TRIO: variants seen among roughly 807,000 people sequenced by gnomAD.
TRIO encodes the protein triple functional domain protein.
In TRIO, 58 loss-of-function variants were observed where a neutral mutation model predicts 351.9. That is an observed-to-expected ratio of 0.16 (90% CI 0.13 to 0.21). The LOEUF is 0.21. Among genes scored for constraint, TRIO ranks in the 10% least tolerant of loss-of-function variants. The pLI is 1.00. For synonymous variants in TRIO, 1,758 were observed against 1,595.7 expected, an observed-to-expected ratio of 1.10 and a Z score of -2.42; for missense variants, 3,201 against 4,027.8, an observed-to-expected ratio of 0.79 and a Z score of 5.56.
chr5:14,206,619 C>T (rs1475307708), intron 1 of TRIO, among the ~76,000 whole-genome samples: 1 of 152,202 alleles, frequency 6.6e-6, no homozygotes, highest in Non-Finnish European at 1.5e-5. Context: ...CAGTTGCTGC[C>T]TTGCTCCTGA....
At chr5:14,330,972 AC>A (rs1740855010) in intron 10 of TRIO, 72 bp downstream of exon 10, 1 of 1,592,646 alleles carries the variant, frequency 6.3e-7, no homozygotes, top group Admixed American at 1.7e-5. Flanking sequence ...AGTTTTAACC[AC>A]ATTTGAGATA....
At chr5:14,207,666 C>T (rs1167312971) in intron 1 of TRIO, among the ~76,000 whole-genome samples, 1 of 152,032 alleles carries the variant, frequency 6.6e-6, no homozygotes, top group Admixed American at 6.6e-5. Context: ...GTGATCGTGC[C>T]ACTGTACTCA....
At chr5:14,372,727 T>C (rs1745229320) in intron 18 of TRIO, among the ~76,000 whole-genome samples, 1 of 152,194 alleles carries the variant, frequency 6.6e-6, no homozygotes, top group Non-Finnish European at 1.5e-5. Flanking sequence ...TTGGTGTGTT[T>C]CAAAGCAGTC....
Position 14,405,992 on chromosome 5 carries a change from T to C in TRIO, c.4859+2T>C. On this transcript the variant is annotated splice_donor_variant, in intron 32 of 56. Transcript: ENST00000344204. LOFTEE classifies it high-confidence loss of function. ...CGCCACAAGACAGAAGGGAAGGAGG[T>C]GCGTGTCTGGGCGCCACTGGAGGTT... 6.2e-7 allele frequency: 1 copy of C among 1,612,218 alleles called. No homozygotes were observed. The highest frequency in any genetic ancestry group is 8.5e-7 in the Non-Finnish European group (1 of 1,179,230).
rs952747471 is a variant in TRIO, at chr5:14,509,604, T to C, written c.*1182T>C. 3.1e-6 allele frequency: 1 copy of C among 327,164 alleles called. No individual in the cohort carries two copies. Among genetic ancestry groups the C allele is most frequent in the Non-Finnish European group, 5.9e-6 (1 of 168,112 alleles). The allele number at this position is 327,164 out of a possible 1,614,324, so 20.3% of individuals were successfully genotyped here. A position where few individuals can be genotyped will look rare whatever the true frequency, so the allele number is the denominator to read the frequency against. On this transcript the variant is annotated 3_prime_UTR_variant, in exon 57 of 57. Transcript: ENST00000344204. ...CAAAATCAGTCTGGACATTTACTAC[T>C]TTTTAGACTTTTTGACGTTGAACTT...
Position 14,507,765 on chromosome 5 carries a change from C to T in TRIO, c.8752-115C>T, listed in dbSNP as rs568105784. On this transcript the variant is annotated intron_variant, in intron 56 of 56. Transcript: ENST00000344204. ...TCCGGCCTGCTTTGCACATGCATGG[C>T]TTGTCCTAGTTGACATCCTAGATTC... 3.1e-4 allele frequency: 408 copies of T among 1,330,784 alleles called. 1 individual carries two copies. Among genetic ancestry groups the T allele is most frequent in the Middle Eastern group, 2.2e-3 (8 of 3,684 alleles). 82.4% of individuals were successfully genotyped at this position (1,330,784 alleles called of 1,614,324 possible). A position where few individuals can be genotyped will look rare whatever the true frequency, so the allele number is the denominator to read the frequency against.
chr5:14,366,354 C>T (rs762249559), intron 15 of TRIO, among the ~76,000 whole-genome samples: 3 of 152,096 alleles, frequency 2.0e-5, no homozygotes, highest in East Asian at 3.9e-4. Context: ...TGGTTTGAAC[C>T]TGATCATTGT....
chr5:14,337,159 C>T (rs963778114), intron 11 of TRIO, among the ~76,000 whole-genome samples: 23 of 152,138 alleles, frequency 1.5e-4, no homozygotes, highest in Non-Finnish European at 2.5e-4. Context: ...TTTAAATGTG[C>T]CAGAGCCAAC....
intron 2 of TRIO, among the ~76,000 whole-genome samples, chr5:14,274,019 T>G (rs545183591): frequency 7.6e-4 from 116 of 152,322 alleles, no homozygotes; most frequent in African/African-American, 2.7e-3. Flanking sequence ...ATTATTTTAT[T>G]TATAAATATT....
chr5:14,370,778 C>T (rs1745039079), intron 18 of TRIO, among the ~76,000 whole-genome samples: 2 of 152,194 alleles, frequency 1.3e-5, no homozygotes, highest in East Asian at 1.9e-4. Context: ...GTCCCTACTG[C>T]TTAAGTTTAC....
intron 8 of TRIO, among the ~76,000 whole-genome samples, chr5:14,315,833 C>T (rs575679701): frequency 1.3e-5 from 2 of 152,206 alleles, no homozygotes; most frequent in South Asian, 4.2e-4. Flanking sequence ...TTGATTAACC[C>T]GAATACTTTC....
rs1402368401 is a variant in TRIO at position 14,363,023 on chromosome 5, CAG to C, written c.2392-708_2392-707del. ...CTACTTTTTTTTTTTTTTTTTGAGA[CAG>C]GGTCTCACTCTTGCCCATGCTGGAG... is the stretch of plus-strand genomic sequence containing the variant. On this transcript the variant is annotated intron_variant, in intron 13 of 56. Transcript: ENST00000344204. 5.6e-5 allele frequency among the ~76,000 whole-genome samples: 7 copies of C among 124,748 alleles called. No homozygotes were observed. The East Asian group carries it at 1.7e-3, about 30-fold the overall frequency. 81.8% of individuals were successfully genotyped at this position (124,748 alleles called of 152,430 possible).
In TRIO at chr5:14,401,068, C is replaced by T. The variant is rs2152375524; in HGVS notation, c.4716+4C>T. On this transcript the variant is annotated splice_donor_region_variant and intron_variant, in intron 31 of 56. Transcript: ENST00000344204. ...AGATAATAAAATTGTCCTTAAGGTACGTTCATTTGAAGCTGGGAATGTGCT... is the reference window on the plus strand; with the variant it reads ...AGATAATAAAATTGTCCTTAAGGTATGTTCATTTGAAGCTGGGAATGTGCT... The T allele has an allele frequency of 6.8e-6, 11 of 1,611,940 alleles. No individual in the cohort carries two copies. Among genetic ancestry groups the T allele is most frequent in the South Asian group, 1.1e-5 (1 of 90,682 alleles).
intron 35 of TRIO, among the ~76,000 whole-genome samples, chr5:14,462,545 ACATT>A (rs1456970472): frequency 8.5e-5 from 13 of 152,198 alleles, no homozygotes; most frequent in African/African-American, 3.1e-4. Context: ...GACACATGAC[ACATT>A]CAGTGGCCAT....
At chr5:14,383,595 T>C (rs940287314) in intron 21 of TRIO, among the ~76,000 whole-genome samples, 3 of 152,274 alleles carry the variant, frequency 2.0e-5, no homozygotes, top group African/African-American at 4.8e-5. Context: ...GTGAGTGATA[T>C]ATGACCTTTC....
chr5:14,488,772 A>G (rs1056736817), intron 48 of TRIO: 20 of 594,298 alleles, frequency 3.4e-5, no homozygotes, highest in African/African-American at 7.4e-5. Flanking sequence ...AAAGCAAACT[A>G]AGATGAAAAA....
At chr5:14,243,183 C>T (rs888174660) in intron 1 of TRIO, among the ~76,000 whole-genome samples, 2 of 152,124 alleles carry the variant, frequency 1.3e-5, no homozygotes, top group Non-Finnish European at 2.9e-5. Context: ...CTTCTGTGTC[C>T]CCTCTCCGGC....
At chr5:14,389,509 T>A (rs1217430396) in intron 25 of TRIO, 111 bp downstream of exon 25, 6 of 744,382 alleles carry the variant, frequency 8.1e-6, no homozygotes, top group Non-Finnish European at 1.3e-5. Context: ...TGATTTTGTT[T>A]CCATTTGAAT....
intron 1 of TRIO, among the ~76,000 whole-genome samples, chr5:14,266,588 CAG>C (rs905346767): frequency 2.0e-5 from 3 of 152,130 alleles, no homozygotes; most frequent in African/African-American, 7.2e-5. Flanking sequence ...AAGGTGGTAA[CAG>C]AATTAATTTT....
Sources: gnomAD v4.1 joint callset for allele counts (sites outside exome capture counted in the v4.1 genomes callset) on GRCh38, gnomAD v4.1.1 for gene constraint, MANE v1.5 for transcripts, NCBI Gene and HGNC (gene_info 2026-07-23, HGNC 2026-07-21) for gene names.